The following FHIT variants were observed in gnomAD, a reference collection of about 807,000 sequenced individuals.
The protein encoded by FHIT is bis(5'-adenosyl)-triphosphatase.
A neutral mutation model predicts 17.9 loss-of-function variants in FHIT; 19 were observed. That is an observed-to-expected ratio of 1.06 (90% CI 0.74 to 1.56). The LOEUF is 1.56. Among genes scored for constraint, FHIT ranks in the 40% most tolerant of loss-of-function variants. The probability of loss-of-function intolerance (pLI) is 0.00; values close to 1 mark genes in which losing one functional copy is unlikely to be tolerated. For missense variants in FHIT, 248 were observed against 189.2 expected, an observed-to-expected ratio of 1.31 and a Z score of -1.82; for synonymous variants, 81 against 69.7, an observed-to-expected ratio of 1.16 and a Z score of -0.81.
chr3:60,557,136 T>A (rs570123419), intron 4 of FHIT, among the ~76,000 whole-genome samples: 1 of 152,286 alleles, frequency 6.6e-6, no homozygotes, highest in East Asian at 1.9e-4. Flanking sequence ...CACTTACTCC[T>A]CTCCAAAGCC....
chr3:60,454,881 T>A (rs544349993), intron 5 of FHIT, among the ~76,000 whole-genome samples: 39 of 152,074 alleles, frequency 2.6e-4, no homozygotes, highest in South Asian at 1.0e-3. Flanking sequence ...ACAGAGATTT[T>A]TAAGTCACTT....
intron 3 of FHIT, among the ~76,000 whole-genome samples, chr3:61,016,480 T>G (rs1339374193): frequency 6.6e-6 from 1 of 152,228 alleles, no homozygotes; most frequent in African/African-American, 2.4e-5. Context: ...CTTACCATTT[T>G]GCAGCTATTT....
rs183552649 is a variant in FHIT, at chr3:60,499,817, C to A, written c.103+37043G>T. Among the ~76,000 whole-genome samples, 356 of 152,286 alleles carry A rather than the reference C, an allele frequency of 2.3e-3. 9 individuals are homozygous for A. Among genetic ancestry groups the A allele is most frequent in the South Asian group, 0.018 (87 of 4,816 alleles). On this transcript the variant is annotated intron_variant, in intron 5 of 9. Transcript: ENST00000492590. The stretch of plus-strand genomic sequence containing the variant: ...TCCCTCCTCGTTAGTTCTTACAGCA[C>A]GTGTCACCGGCAAAGAGAAGACTTC...
chr3:60,175,104 A>G (rs971243860), intron 5 of FHIT, among the ~76,000 whole-genome samples: 1 of 152,160 alleles, frequency 6.6e-6, no homozygotes, highest in African/African-American at 2.4e-5. Flanking sequence ...TGACGATGAC[A>G]CTATGTCAAC....
At chr3:61,083,034 T>C (rs1374762060) in intron 2 of FHIT, among the ~76,000 whole-genome samples, 1 of 152,208 alleles carries the variant, frequency 6.6e-6, no homozygotes, top group Non-Finnish European at 1.5e-5. Context: ...GCCAGAGATA[T>C]TGTAATTATC....
At chr3:60,010,511 A>G (rs1442637659) in intron 7 of FHIT, among the ~76,000 whole-genome samples, 1 of 152,266 alleles carries the variant, frequency 6.6e-6, no homozygotes, top group African/African-American at 2.4e-5. Flanking sequence ...TTGTGTGGGC[A>G]GCACCTTATC....
At chr3:59,770,640 G>A (rs561809968) in intron 8 of FHIT, among the ~76,000 whole-genome samples, 5 of 152,236 alleles carry the variant, frequency 3.3e-5, no homozygotes, top group East Asian at 1.9e-4. Flanking sequence ...ACTGTAAAAC[G>A]ACAAATTTCC....
At chr3:61,170,517 T>C (rs2037971723) in intron 2 of FHIT, among the ~76,000 whole-genome samples, 1 of 152,084 alleles carries the variant, frequency 6.6e-6, no homozygotes, top group Non-Finnish European at 1.5e-5. Flanking sequence ...CCTGATCCTC[T>C]CCCTCCTCTC....
In FHIT at chr3:60,011,355, C is replaced by T; in HGVS notation, c.279+16G>A. 1.2e-6 allele frequency: 2 copies of T among 1,612,554 alleles called. No homozygotes were observed. The highest frequency in any genetic ancestry group is 1.7e-6 in the Non-Finnish European group (2 of 1,178,692). On this transcript the variant is annotated intron_variant, in intron 7 of 9. Coordinates refer to ENST00000492590, the MANE Select transcript of FHIT (RefSeq NM_002012.4). ...ATCGCCTCTTATTAATTTGTATGCA[C>T]ATAATAAGCACTCACCTTCACAGTC...
intron 8 of FHIT, among the ~76,000 whole-genome samples, chr3:59,789,250 A>ACTAT (rs890092419): frequency 1.3e-5 from 2 of 152,178 alleles, no homozygotes; most frequent in Non-Finnish European, 2.9e-5. Context: ...TAAAATATTG[A>ACTAT]CTATCTATGA....
At chr3:60,369,781 A>G (rs1417692839) in intron 5 of FHIT, among the ~76,000 whole-genome samples, 5 of 152,168 alleles carry the variant, frequency 3.3e-5, no homozygotes, top group African/African-American at 1.2e-4. Context: ...GCCTCTGTTA[A>G]GCATTCAGTT....
intron 8 of FHIT, among the ~76,000 whole-genome samples, chr3:59,851,356 T>C (rs758202765): frequency 1.6e-4 from 24 of 152,364 alleles, no homozygotes; most frequent in Non-Finnish European, 2.8e-4. Context: ...GCATTTCTTA[T>C]GTGCCAGACC....
intron 1 of FHIT, among the ~76,000 whole-genome samples, chr3:61,211,129 C>T (rs1164686561): frequency 6.6e-6 from 1 of 151,802 alleles, no homozygotes; most frequent in African/African-American, 2.4e-5. Flanking sequence ...GTTCATCTCA[C>T]TAGGGAGTGC....
intron 3 of FHIT, among the ~76,000 whole-genome samples, chr3:60,855,668 C>T (rs1367074672): frequency 6.6e-6 from 1 of 152,124 alleles, no homozygotes; most frequent in Non-Finnish European, 1.5e-5. Context: ...ACTATCTTAA[C>T]ATCATCTTCC....
intron 7 of FHIT, among the ~76,000 whole-genome samples, chr3:59,972,827 T>G (rs538242254): frequency 6.6e-6 from 1 of 152,238 alleles, no homozygotes; most frequent in South Asian, 2.1e-4. Flanking sequence ...CGAGGTTCTC[T>G]GGAAAACAGA....
intron 3 of FHIT, among the ~76,000 whole-genome samples, chr3:61,040,200 T>C (rs951309910): frequency 7.2e-5 from 11 of 152,338 alleles, no homozygotes; most frequent in East Asian, 1.9e-4. Flanking sequence ...TTATTGTATA[T>C]GACCTAAAAC....
intron 8 of FHIT, among the ~76,000 whole-genome samples, chr3:59,828,505 G>A (rs567925593): frequency 2.6e-5 from 4 of 152,240 alleles, no homozygotes; most frequent in East Asian, 1.9e-4. Flanking sequence ...ATGTGGCTGC[G>A]GATGATAAAG....
At chr3:60,811,842 G>A (rs1227417139) in intron 4 of FHIT, among the ~76,000 whole-genome samples, 1 of 152,130 alleles carries the variant, frequency 6.6e-6, no homozygotes, top group African/African-American at 2.4e-5. Context: ...ATATTTCTAA[G>A]ATCATTGTAA....
intron 8 of FHIT, among the ~76,000 whole-genome samples, chr3:59,794,835 G>A (rs1046403957): frequency 6.6e-6 from 1 of 152,144 alleles, no homozygotes; most frequent in Non-Finnish European, 1.5e-5. Context: ...AGTCACATTT[G>A]TTCCATTTGA....
Sources: allele counts gnomAD v4.1 joint callset (sites outside exome capture counted in the v4.1 genomes callset), GRCh38; gene constraint gnomAD v4.1.1; transcripts MANE v1.5; gene names NCBI Gene and HGNC (gene_info 2026-07-23, HGNC 2026-07-21).